The following ZNF277 variants were observed in gnomAD, a reference collection of about 807,000 sequenced individuals.
The protein encoded by ZNF277 is zinc finger protein 277, also known as nuclear receptor-interacting factor 4.
A neutral mutation model predicts 60.7 loss-of-function variants in ZNF277; 55 were observed. The observed-to-expected ratio is 0.91, with a 90% CI of 0.73 to 1.13. ZNF277 has a LOEUF of 1.13. Among genes scored for constraint, ZNF277 ranks in the 50% most tolerant of loss-of-function variants. The probability of loss-of-function intolerance (pLI) is 0.00; values close to 1 mark genes in which losing one functional copy is unlikely to be tolerated. For synonymous variants in ZNF277, 178 were observed against 179.3 expected (o/e 0.99, Z 0.06); for missense variants, 510 against 523.0 (o/e 0.98, Z 0.24).
chr7:112,339,710 T>C (rs1793406073), intron 9 of ZNF277, 133 bp from the exon 10 acceptor site: 1 of 829,518 alleles, frequency 1.2e-6, no homozygotes, highest in African/African-American at 1.7e-5. Context: ...CTTGGAAGAC[T>C]TCAAAAGCAG....
At chr7:112,333,170 A>C (rs1471648408) in intron 7 of ZNF277, among the ~76,000 whole-genome samples, 1 of 152,042 alleles carries the variant, frequency 6.6e-6, no homozygotes, top group Non-Finnish European at 1.5e-5. Context: ...AAAAAGATAG[A>C]TATTCCCTTG....
intron 1 of ZNF277, among the ~76,000 whole-genome samples, chr7:112,273,481 G>A (rs1283868440): frequency 6.6e-6 from 1 of 152,204 alleles, no homozygotes; most frequent in East Asian, 1.9e-4. Context: ...ACCTTCTTCA[G>A]TGCCTCTTTC....
intron 1 of ZNF277, among the ~76,000 whole-genome samples, chr7:112,246,210 C>G (rs986246589): frequency 1.3e-5 from 2 of 151,840 alleles, no homozygotes; most frequent in Non-Finnish European, 2.9e-5. Context: ...ATGGCAACAC[C>G]CCATCCCTAC....
At chr7:112,254,997 C>CAAAA (rs944167823) in intron 1 of ZNF277, among the ~76,000 whole-genome samples, 6 of 151,274 alleles carry the variant, frequency 4.0e-5, no homozygotes, top group African/African-American at 1.5e-4. Context: ...AACAAACAAA[C>CAAAA]AAAAAAAACA....
intron 5 of ZNF277, among the ~76,000 whole-genome samples, 193 bp from the exon 6 acceptor site, chr7:112,327,524 T>G (rs1268294598): frequency 6.6e-6 from 1 of 152,210 alleles, no homozygotes; most frequent in African/African-American, 2.4e-5. Flanking sequence ...TTGGTATCCC[T>G]TTACAGAACT....
At chr7:112,240,507 C>A (rs865908940) in intron 1 of ZNF277, among the ~76,000 whole-genome samples, 2 of 152,068 alleles carry the variant, frequency 1.3e-5, no homozygotes, top group Middle Eastern at 3.2e-3. Flanking sequence ...ACATTGCATG[C>A]CTGTATCAAA....
chr7:112,314,163 C>T (rs1792790514), intron 4 of ZNF277, among the ~76,000 whole-genome samples: 1 of 152,110 alleles, frequency 6.6e-6, no homozygotes, highest in African/African-American at 2.4e-5. Context: ...ATTTAGAGAT[C>T]ATCTGAAACT....
At chr7:112,263,331 T>C (rs1004677835) in intron 1 of ZNF277, among the ~76,000 whole-genome samples, 11 of 152,190 alleles carry the variant, frequency 7.2e-5, no homozygotes, top group African/African-American at 2.4e-4. Context: ...TTGCCAATGA[T>C]TCAGAAATGT....
chr7:112,257,619 G>A (rs750449196), intron 1 of ZNF277, among the ~76,000 whole-genome samples: 2 of 152,060 alleles, frequency 1.3e-5, no homozygotes, highest in Non-Finnish European at 1.5e-5. Context: ...TTATTTAATC[G>A]TGACCACTTT....
Position 112,342,790 on chromosome 7 carries a change from G to C in ZNF277, c.*61G>C. 1 of 1,308,160 alleles carries C rather than the reference G, an allele frequency of 7.6e-7. No homozygotes were observed. Among genetic ancestry groups the C allele is most frequent in the Non-Finnish European group, 1.0e-6 (1 of 993,350 alleles). The allele number at this position is 1,308,160 out of a possible 1,614,324, so 81.0% of individuals were successfully genotyped here. On this transcript the variant is annotated 3_prime_UTR_variant, in exon 12 of 12. Coordinates refer to ENST00000361822, the MANE Select transcript of ZNF277 (RefSeq NM_021994.3). Reference sequence around the variant, plus strand: ...GCAATTTTTCATGTTTTTCTCCTATGAGACAGATATGAAAGAACAATTTAA... The same window carrying C: ...GCAATTTTTCATGTTTTTCTCCTATCAGACAGATATGAAAGAACAATTTAA...
At chr7:112,326,641 T>A (rs1322155624) in intron 5 of ZNF277, among the ~76,000 whole-genome samples, 6 of 145,134 alleles carry the variant, frequency 4.1e-5, no homozygotes, top group African/African-American at 1.5e-4. Context: ...CTTACATAGT[T>A]AAAAAAAAAA....
At chr7:112,220,202 T>C (rs1156639267) in intron 1 of ZNF277, among the ~76,000 whole-genome samples, 1 of 152,206 alleles carries the variant, frequency 6.6e-6, no homozygotes, top group Non-Finnish European at 1.5e-5. Flanking sequence ...TTTCCTTTTA[T>C]TTGTTTCCTC....
chr7:112,235,121 C>A (rs1822453025), intron 1 of ZNF277, among the ~76,000 whole-genome samples: 1 of 151,894 alleles, frequency 6.6e-6, no homozygotes, highest in Admixed American at 6.6e-5. Context: ...AGAAAAAAAA[C>A]AATTTCGCTC....
intron 1 of ZNF277, among the ~76,000 whole-genome samples, chr7:112,248,299 T>C (rs1384350755): frequency 6.9e-6 from 1 of 145,456 alleles, no homozygotes; most frequent in Non-Finnish European, 1.5e-5. Context: ...TGGCTCTGAA[T>C]AGGGGGTGGG....
At chr7:112,318,846 T>G (rs1281426984) in intron 5 of ZNF277, among the ~76,000 whole-genome samples, 3 of 152,086 alleles carry the variant, frequency 2.0e-5, no homozygotes, top group African/African-American at 7.2e-5. Flanking sequence ...TTTTGACCAC[T>G]GGTTATAAAG....
intron 4 of ZNF277, among the ~76,000 whole-genome samples, chr7:112,296,764 T>G (rs1312394356): frequency 6.6e-6 from 1 of 151,672 alleles, no homozygotes; most frequent in Non-Finnish European, 1.5e-5. Context: ...ATAGTAGCCT[T>G]TCTGGTTTTC....
At chr7:112,229,273 A>G (rs889333498) in intron 1 of ZNF277, among the ~76,000 whole-genome samples, 1 of 152,244 alleles carries the variant, frequency 6.6e-6, no homozygotes, top group Non-Finnish European at 1.5e-5. Flanking sequence ...GAGAGAGACC[A>G]GAGGACCAGG....
intron 8 of ZNF277, among the ~76,000 whole-genome samples, chr7:112,336,445 G>T (rs1793336557): frequency 6.6e-6 from 1 of 152,080 alleles, no homozygotes; most frequent in South Asian, 2.1e-4. Flanking sequence ...GAAGTGCTTT[G>T]CCTGCTCAGT....
chr7:112,342,758 C>T lies in ZNF277; in HGVS notation c.*29C>T, dbSNP rs764788865. ...TACTTGAAAACCTAGAAGAAACTAC[C>T]ACAGAAGCAATTTTTCATGTTTTTC... On this transcript the variant is annotated 3_prime_UTR_variant, in exon 12 of 12. Transcript: ENST00000361822. The T allele has an allele frequency of 1.4e-6, 2 of 1,446,028 alleles. No individual in the cohort carries two copies. Among genetic ancestry groups the T allele is most frequent in the Admixed American group, 2.4e-5 (1 of 42,232 alleles). 89.6% of individuals were successfully genotyped at this position (1,446,028 alleles called of 1,614,324 possible).
Sources: gnomAD v4.1 joint callset for allele counts (sites outside exome capture counted in the v4.1 genomes callset) on GRCh38, gnomAD v4.1.1 for gene constraint, MANE v1.5 for transcripts, NCBI Gene and HGNC (gene_info 2026-07-23, HGNC 2026-07-21) for gene names.